Variants in TMEM154 observed in about 807,000 individuals in gnomAD.
The protein encoded by TMEM154 is transmembrane protein 154.
A neutral mutation model predicts 24.5 loss-of-function variants in TMEM154; 27 were observed. The observed-to-expected ratio is 1.10, with a 90% CI of 0.81 to 1.52. The LOEUF is 1.52. Ranked by LOEUF, TMEM154 falls within the 40% of genes most tolerant of loss-of-function variation. TMEM154 has a pLI of 0.00. For missense variants in TMEM154, 228 were observed against 213.4 expected (o/e 1.07, Z -0.43); for synonymous variants, 67 against 76.8 (o/e 0.87, Z 0.67).
chr4:152,628,993 T>C (rs1026025919), intron 6 of TMEM154, among the ~76,000 whole-genome samples: 1 of 152,104 alleles, frequency 6.6e-6, no homozygotes, highest in African/African-American at 2.4e-5. Flanking sequence ...CACTCCATTA[T>C]GGAGGTGACT....
rs1003765612 is a variant in TMEM154 at position 152,627,113 on chromosome 4, T to C, written c.*1433A>G. 3 of 152,230 alleles carry C rather than the reference T, an allele frequency of 2.0e-5. No homozygotes were observed. Among genetic ancestry groups the C allele is most frequent in the African/African-American group, 7.2e-5 (3 of 41,456 alleles). The allele number at this position is 152,230 out of a possible 1,614,324, so 9.4% of individuals were successfully genotyped here. On this transcript the variant is annotated 3_prime_UTR_variant, in exon 7 of 7. Coordinates refer to ENST00000304385, the MANE Select transcript of TMEM154 (RefSeq NM_152680.3). The stretch of plus-strand genomic sequence containing the variant: ...CTTTCATTGTATGGAAAGACCTCTC[T>C]GGTCTGGAACTCTGCCTTTGAAATT...
Position 152,628,594 on chromosome 4 carries a change from A to AC in TMEM154, c.537-34_537-33insG, listed in dbSNP as rs770240942. On this transcript the variant is annotated intron_variant, in intron 6 of 6. Coordinates refer to ENST00000304385, the MANE Select transcript of TMEM154 (RefSeq NM_152680.3). ...AAAAAAAAAAAAAAAAAAAAAAAAC[A>AC]AAAAAAACACACACACACACACAAA... 6 of 1,042,622 alleles carry AC rather than the reference A, an allele frequency of 5.8e-6. No individual in the cohort carries two copies. In the African/African-American group the frequency reaches 2.5e-4, roughly 44 times the overall value. 64.6% of individuals were successfully genotyped at this position (1,042,622 alleles called of 1,614,324 possible). A position where few individuals can be genotyped will look rare whatever the true frequency, so the allele number is the denominator to read the frequency against.
chr4:152,639,428 A>G (rs1393754212), intron 6 of TMEM154, among the ~76,000 whole-genome samples: 2 of 152,230 alleles, frequency 1.3e-5, no homozygotes, highest in African/African-American at 2.4e-5. Flanking sequence ...TAAGATATTT[A>G]TGGAGTTTTA....
rs747613909 is a variant in TMEM154 at position 152,628,565 on chromosome 4, TAAAAAAA to T, written c.537-11_537-5del. ...TCAGGTTTAGGATTCACTGTCACTG[TAAAAAAA>T]AAAAAAAAAAAAAAAAAAAACAAAA... On this transcript the variant is annotated splice_region_variant and splice_polypyrimidine_tract_variant and intron_variant, in intron 6 of 6. Coordinates refer to ENST00000304385, the MANE Select transcript of TMEM154 (RefSeq NM_152680.3). 1.3e-4 allele frequency: 68 copies of T among 518,538 alleles called. No individual in the cohort carries two copies. Among genetic ancestry groups the T allele is most frequent in the African/African-American group, 4.3e-4 (5 of 11,560 alleles). 32.1% of individuals were successfully genotyped at this position (518,538 alleles called of 1,614,324 possible).
At chr4:152,646,510 C>T (rs1413321277) in intron 3 of TMEM154, 1 of 161,536 alleles carries the variant, frequency 6.2e-6, no homozygotes, top group South Asian at 1.7e-4. Context: ...TCAGGCCCTG[C>T]CCGCTCCACT....
chr4:152,628,497 G>A lies in TMEM154; in HGVS notation c.*49C>T. On this transcript the variant is annotated 3_prime_UTR_variant, in exon 7 of 7. Coordinates refer to ENST00000304385, the MANE Select transcript of TMEM154 (RefSeq NM_152680.3). ...TCATCCTCTGTTGGCAGCCTCAGCA[G>A]ACTCCCTCAGGGGCTGCTTCTCTTG... 1 of 1,383,796 alleles carries A rather than the reference G, an allele frequency of 7.2e-7. No individual in the cohort carries two copies. Among genetic ancestry groups the A allele is most frequent in the Non-Finnish European group, 9.6e-7 (1 of 1,040,906 alleles). 85.7% of individuals were successfully genotyped at this position (1,383,796 alleles called of 1,614,324 possible).
At chr4:152,649,324 A>G (rs1056432282) in intron 3 of TMEM154, among the ~76,000 whole-genome samples, 4 of 152,380 alleles carry the variant, frequency 2.6e-5, no homozygotes, top group Middle Eastern at 3.4e-3. Context: ...TTACTGGCAC[A>G]AGCCAAAAGT....
At chr4:152,642,163 C>A (rs557020390) in intron 5 of TMEM154, among the ~76,000 whole-genome samples, 86 of 151,968 alleles carry the variant, frequency 5.7e-4, no homozygotes, top group Middle Eastern at 6.8e-3. Context: ...AGGTTATCCA[C>A]CCGCCTCGGC....
Position 152,628,372 on chromosome 4 carries a change from G to T in TMEM154, c.*174C>A. On this transcript the variant is annotated 3_prime_UTR_variant, in exon 7 of 7. Transcript: ENST00000304385. Reference sequence around the variant, plus strand: ...ACTTCTCAATTGCACATTCTTCCAAGTGCAAGTGATGCCATCATTAGGAAG... The same window carrying T: ...ACTTCTCAATTGCACATTCTTCCAATTGCAAGTGATGCCATCATTAGGAAG... 9.2e-7 allele frequency: 1 copy of T among 1,091,616 alleles called. No individual in the cohort carries two copies. The highest frequency in any genetic ancestry group is 1.4e-6 in the Non-Finnish European group (1 of 732,310). The allele number at this position is 1,091,616 out of a possible 1,614,324, so 67.6% of individuals were successfully genotyped here.
rs201565801 is a variant in TMEM154, at chr4:152,643,077, T to C, written c.478+11A>G. 1 of 1,604,632 alleles carries C rather than the reference T, an allele frequency of 6.2e-7. No homozygotes were observed. Among genetic ancestry groups the C allele is most frequent in the East Asian group, 2.2e-5 (1 of 44,808 alleles). ...AGGAAAGAAAAAAAACAACTTTAGG[T>C]TACCACATACCATTTCTATTCATGC... On this transcript the variant is annotated intron_variant, in intron 5 of 6. Coordinates refer to ENST00000304385, the MANE Select transcript of TMEM154 (RefSeq NM_152680.3).
At chr4:152,670,989 G>A (rs1048117421) in intron 1 of TMEM154, among the ~76,000 whole-genome samples, 1 of 152,308 alleles carries the variant, frequency 6.6e-6, no homozygotes, top group Non-Finnish European at 1.5e-5. Context: ...GCCATCATGT[G>A]TTTGTATACA....
Position 152,622,588 on chromosome 4 carries a change from A to G in TMEM154, c.*5958T>C, listed in dbSNP as rs1751859979. On this transcript the variant is annotated 3_prime_UTR_variant, in exon 7 of 7. Transcript: ENST00000304385. ...TTTTTAAATTTATAAATGTTTTTCA[A>G]TCTATCACTGCCAAATGAGCAATTT... is the stretch of plus-strand genomic sequence containing the variant. The G allele has an allele frequency of 6.6e-6, 1 of 152,138 alleles. No homozygotes were observed. Among genetic ancestry groups the G allele is most frequent in the Non-Finnish European group, 1.5e-5 (1 of 68,026 alleles). 9.4% of individuals were successfully genotyped at this position (152,138 alleles called of 1,614,324 possible). A position where few individuals can be genotyped will look rare whatever the true frequency, so the allele number is the denominator to read the frequency against.
intron 1 of TMEM154, among the ~76,000 whole-genome samples, chr4:152,658,350 A>C (rs1017627552): frequency 7.2e-5 from 11 of 152,220 alleles, no homozygotes; most frequent in African/African-American, 2.7e-4. Context: ...AAAGATTTTA[A>C]ACAGACAATC....
At chr4:152,640,000 G>A (rs754770573) in intron 6 of TMEM154, among the ~76,000 whole-genome samples, 4 of 152,092 alleles carry the variant, frequency 2.6e-5, no homozygotes, top group Non-Finnish European at 5.9e-5. Flanking sequence ...AAAAGGGTCC[G>A]AAGATAAACA....
At position 152,652,589 on chromosome 4, in the gene TMEM154, A is replaced by C. The variant is rs541987299; in HGVS notation, c.326-13T>G. On this transcript the variant is annotated splice_polypyrimidine_tract_variant and intron_variant, in intron 2 of 6. Coordinates refer to ENST00000304385, the MANE Select transcript of TMEM154 (RefSeq NM_152680.3). The stretch of plus-strand genomic sequence containing the variant: ...TGGCTAGAAGGTTCTGTATCAAAGC[A>C]AAGAATATTTTGTTTTATTGATTGT... The C allele has an allele frequency of 3.2e-4, 516 of 1,614,068 alleles. 1 individual carries two copies. Among genetic ancestry groups the C allele is most frequent in the Non-Finnish European group, 3.7e-5 (44 of 1,179,982 alleles).
chr4:152,675,156 C>CAAAAAA (rs368552348), intron 1 of TMEM154, among the ~76,000 whole-genome samples: 31 of 83,060 alleles, frequency 3.7e-4, no homozygotes, highest in Admixed American at 8.3e-4. Flanking sequence ...GGCTCCATCT[C>CAAAAAA]AAAAAAAAAA....
Position 152,627,036 on chromosome 4 carries a change from C to A in TMEM154, c.*1510G>T, listed in dbSNP as rs911048873. The A allele has an allele frequency of 6.6e-6, 1 of 152,228 alleles. No homozygotes were observed. The highest frequency in any genetic ancestry group is 2.4e-5 in the African/African-American group (1 of 41,460). 9.4% of individuals were successfully genotyped at this position (152,228 alleles called of 1,614,324 possible). ...GTCTGTCTTTTGTCAAAGTTCTATGCAGTCCCAGGATAGCGTGATAGCAGT... is the reference window on the plus strand; with the variant it reads ...GTCTGTCTTTTGTCAAAGTTCTATGAAGTCCCAGGATAGCGTGATAGCAGT... On this transcript the variant is annotated 3_prime_UTR_variant, in exon 7 of 7. Transcript: ENST00000304385.
intron 3 of TMEM154, 68 bp downstream of exon 3, chr4:152,652,470 T>A: frequency 6.3e-7 from 1 of 1,593,000 alleles, no homozygotes; most frequent in East Asian, 2.2e-5. Context: ...GTTGCTTAAT[T>A]TTAAAACATC....
intron 6 of TMEM154, among the ~76,000 whole-genome samples, chr4:152,632,512 A>G (rs914774761): frequency 3.3e-5 from 5 of 152,220 alleles, no homozygotes; most frequent in African/African-American, 7.2e-5. Flanking sequence ...TGAAATGTGC[A>G]TAGGGATTTT....
Sources: gnomAD v4.1 joint callset for allele counts (sites outside exome capture counted in the v4.1 genomes callset) on GRCh38, gnomAD v4.1.1 for gene constraint, MANE v1.5 for transcripts, NCBI Gene and HGNC (gene_info 2026-07-23, HGNC 2026-07-21) for gene names.